The following FRMPD4 variants were observed in gnomAD, a reference collection of about 807,000 sequenced individuals.
FRMPD4 encodes the protein FERM and PDZ domain-containing protein 4.
In FRMPD4, 22 loss-of-function variants were observed where a neutral mutation model predicts 94.1. The ratio of observed to expected loss-of-function variants is 0.23; its 90% CI spans 0.17 to 0.33. The LOEUF is 0.33. Among genes scored for constraint, FRMPD4 ranks in the 10% least tolerant of loss-of-function variants. The pLI is 1.00. For missense variants in FRMPD4, 1,111 were observed against 1,339.9 expected, an observed-to-expected ratio of 0.83 and a Z score of 2.67; for synonymous variants, 631 against 548.6, an observed-to-expected ratio of 1.15 and a Z score of -2.10.
intron 2 of FRMPD4, among the ~76,000 whole-genome samples, chrX:12,530,967 A>T (rs1409642003): frequency 9.0e-6 from 1 of 111,273 alleles, no homozygotes; most frequent in Non-Finnish European, 1.9e-5. Flanking sequence ...AGGAAATGCA[A>T]GAGGGAAGTT....
intron 2 of FRMPD4, among the ~76,000 whole-genome samples, chrX:12,598,586 G>A (rs2059055280): frequency 9.0e-6 from 1 of 111,492 alleles, no homozygotes; most frequent in Admixed American, 9.6e-5. Flanking sequence ...GTTGAGGGCA[G>A]GGAGATGAGA....
intron 4 of FRMPD4, among the ~76,000 whole-genome samples, chrX:12,648,059 G>A (rs1418425159): frequency 9.0e-6 from 1 of 111,251 alleles, no homozygotes; most frequent in Non-Finnish European, 1.9e-5. Context: ...TTTCAGCCAA[G>A]CACTCCTGAT....
rs1159771366 is a variant in FRMPD4 at position 12,528,789 on chromosome X, A to C, written c.158+29993A>C. On this transcript the variant is annotated intron_variant, in intron 2 of 16. Coordinates refer to ENST00000675598, the MANE Select transcript of FRMPD4 (RefSeq NM_001368397.1). ...ATCATCTTGACCGTTGTTCCAAGGG[A>C]GTATTGTTTGTAGCACAGATGTACT... Among the ~76,000 whole-genome samples, 14 of 112,037 alleles carry C rather than the reference A, an allele frequency of 1.2e-4. No homozygotes were observed. In the Admixed American group the frequency reaches 1.3e-3, roughly 11 times the overall value.
intron 3 of FRMPD4, among the ~76,000 whole-genome samples, chrX:11,948,623 G>A (rs1458585857): frequency 9.0e-6 from 1 of 110,985 alleles, no homozygotes; most frequent in African/African-American, 3.3e-5. Context: ...AAGGGGAAGG[G>A]CCTGACCTAG....
At chrX:11,837,021 T>TTTGTGG (rs1569107092) in intron 1 of FRMPD4, among the ~76,000 whole-genome samples, 1 of 111,809 alleles carries the variant, frequency 8.9e-6, no homozygotes, top group Admixed American at 9.5e-5. Context: ...CACTTTTCTG[T>TTTGTGG]TTTCTTATTG....
chrX:11,860,801 T>A (rs1416637734), intron 1 of FRMPD4, among the ~76,000 whole-genome samples: 1 of 112,003 alleles, frequency 8.9e-6, no homozygotes, highest in Non-Finnish European at 1.9e-5. Flanking sequence ...TTGCTGAAAG[T>A]GAGGTGGGAT....
At chrX:12,527,169 G>T (rs188890878) in intron 2 of FRMPD4, among the ~76,000 whole-genome samples, 30 of 111,850 alleles carry the variant, frequency 2.7e-4, no homozygotes, top group African/African-American at 9.7e-4. Context: ...TATGCCTCTT[G>T]AGGGATAAAT....
chrX:12,181,220 AG>A (rs2056354080), intron 1 of FRMPD4, among the ~76,000 whole-genome samples: 1 of 111,774 alleles, frequency 8.9e-6, no homozygotes, highest in Non-Finnish European at 1.9e-5. Context: ...GCTGTCTTCA[AG>A]TATGTGAAGA....
intron 5 of FRMPD4, among the ~76,000 whole-genome samples, chrX:12,675,739 A>G (rs2059892650): frequency 8.9e-6 from 1 of 111,932 alleles, no homozygotes; most frequent in East Asian, 2.8e-4. Flanking sequence ...ATTTTTCCCA[A>G]AATGGTTCCT....
At position 11,995,537 on chromosome X, in the gene FRMPD4, A is replaced by G. The variant is rs138646311; in HGVS notation, c.95+117519A>G. ...TTCCTTAACCAACAGGCACAAGGGAAGATTCTACTTGGAAAATACTCCTTA... is the reference window on the plus strand; with the variant it reads ...TTCCTTAACCAACAGGCACAAGGGAGGATTCTACTTGGAAAATACTCCTTA... On this transcript the variant is annotated intron_variant, in intron 3 of 18. Transcript: ENST00000640291. Among the ~76,000 whole-genome samples, 727 of 111,965 alleles carry G rather than the reference A, an allele frequency of 6.5e-3. 4 individuals are homozygous for G. Among genetic ancestry groups the G allele is most frequent in the African/African-American group, 0.023 (702 of 30,919 alleles).
intron 1 of FRMPD4, among the ~76,000 whole-genome samples, chrX:12,453,361 C>T (rs2057294994): frequency 9.0e-6 from 1 of 111,538 alleles, no homozygotes; most frequent in Admixed American, 9.5e-5. Context: ...CAAGGTTGCT[C>T]CTTTAGTTTT....
At chrX:11,980,583 T>C (rs773902056) in intron 3 of FRMPD4, among the ~76,000 whole-genome samples, 1 of 111,911 alleles carries the variant, frequency 8.9e-6, no homozygotes, top group South Asian at 3.7e-4. Flanking sequence ...TGAATTTCCT[T>C]CTAAATACTA....
At chrX:11,943,462 T>A (rs770386850) in intron 3 of FRMPD4, among the ~76,000 whole-genome samples, 54 of 111,158 alleles carry the variant, frequency 4.9e-4, no homozygotes, top group African/African-American at 1.7e-3. Context: ...CACAGGCATC[T>A]GGTGTAGGCC....
At chrX:11,832,235 A>G (rs1055247807) in intron 1 of FRMPD4, among the ~76,000 whole-genome samples, 12 of 111,920 alleles carry the variant, frequency 1.1e-4, no homozygotes. Flanking sequence ...TCTGTTTAAC[A>G]GATACCGGAT....
At chrX:12,467,269 C>G (rs1313718529) in intron 1 of FRMPD4, among the ~76,000 whole-genome samples, 1 of 110,866 alleles carries the variant, frequency 9.0e-6, no homozygotes, top group Non-Finnish European at 1.9e-5. Context: ...GACACATGCT[C>G]CATTGTATCA....
rs751815230 is a variant in FRMPD4, at chrX:11,927,925, G to A, written c.95+49907G>A. On this transcript the variant is annotated intron_variant, in intron 3 of 18. Transcript: ENST00000640291. ...AAATGGGACCTAATTAAACTAAAGA[G>A]CTTCTGCACAGCAAAAGAAACTATC... 8.0e-5 allele frequency among the ~76,000 whole-genome samples: 9 copies of A among 112,001 alleles called. No individual in the cohort carries two copies. In the East Asian group the frequency reaches 1.4e-3, roughly 17 times the overall value.
chrX:12,164,553 G>A (rs2056080970), intron 1 of FRMPD4, among the ~76,000 whole-genome samples: 1 of 112,272 alleles, frequency 8.9e-6, no homozygotes, highest in South Asian at 3.7e-4. Context: ...AATCCTTTGG[G>A]TATATACCCA....
At chrX:12,542,429 T>A (rs951332495) in intron 2 of FRMPD4, among the ~76,000 whole-genome samples, 3 of 112,197 alleles carry the variant, frequency 2.7e-5, no homozygotes. Context: ...TCACAAGCAT[T>A]CTTATACACC....
At chrX:11,848,833 G>A (rs1306550651) in intron 1 of FRMPD4, among the ~76,000 whole-genome samples, 1 of 111,557 alleles carries the variant, frequency 9.0e-6, no homozygotes, top group Non-Finnish European at 1.9e-5. Flanking sequence ...TATTCAATAT[G>A]TTCTATAGCT....
Sources: allele counts gnomAD v4.1 joint callset (sites outside exome capture counted in the v4.1 genomes callset), GRCh38; gene constraint gnomAD v4.1.1; transcripts MANE v1.5; gene names NCBI Gene and HGNC (gene_info 2026-07-23, HGNC 2026-07-21).